The following ZNF385D variants were observed in gnomAD, a reference collection of about 807,000 sequenced individuals.
The protein encoded by ZNF385D is zinc finger protein 385D, also known as zinc finger protein 659.
A neutral mutation model predicts 35.8 loss-of-function variants in ZNF385D; 15 were observed. The ratio of observed to expected loss-of-function variants is 0.42; its 90% confidence interval spans 0.28 to 0.64. ZNF385D has a LOEUF of 0.64. Ranked by LOEUF, ZNF385D falls within the 30% of genes least tolerant of loss-of-function variation. The pLI is 0.23. For missense variants in ZNF385D, 474 were observed against 494.6 expected, an observed-to-expected ratio of 0.96 and a Z score of 0.39; for synonymous variants, 212 against 186.8, an observed-to-expected ratio of 1.13 and a Z score of -1.10.
chr3:22,078,952 T>G (rs1437509696), intron 3 of ZNF385D, among the ~76,000 whole-genome samples: 1 of 152,094 alleles, frequency 6.6e-6, no homozygotes, highest in East Asian at 1.9e-4. Flanking sequence ...TATTTTTCTT[T>G]ATTTCAAGTG....
intron 3 of ZNF385D, among the ~76,000 whole-genome samples, chr3:21,563,788 C>CCTGT (rs1395090504): frequency 6.6e-6 from 1 of 152,116 alleles, no homozygotes; most frequent in Non-Finnish European, 1.5e-5. Flanking sequence ...ACCAACGTTG[C>CCTGT]CTGTCTCTTC....
chr3:21,599,817 AGGCAT>A (rs1402897957), intron 2 of ZNF385D, among the ~76,000 whole-genome samples: 1 of 152,222 alleles, frequency 6.6e-6, no homozygotes, highest in East Asian at 1.9e-4. Context: ...CTCCTGTTGT[AGGCAT>A]GTGAACCAGA....
intron 3 of ZNF385D, among the ~76,000 whole-genome samples, chr3:21,998,075 T>C (rs1695596223): frequency 6.6e-6 from 1 of 152,068 alleles, no homozygotes; most frequent in African/African-American, 2.4e-5. Context: ...TATATGCCAC[T>C]CCCACCAGTG....
intron 3 of ZNF385D, among the ~76,000 whole-genome samples, chr3:21,769,888 G>T (rs1044139210): frequency 6.6e-6 from 1 of 151,412 alleles, no homozygotes; most frequent in African/African-American, 2.4e-5. Flanking sequence ...CCAAAACAGA[G>T]ATATAGACCA....
chr3:22,300,814 G>A (rs1018154233), intron 2 of ZNF385D, among the ~76,000 whole-genome samples: 2 of 151,844 alleles, frequency 1.3e-5, no homozygotes, highest in African/African-American at 4.8e-5. Flanking sequence ...TGGAAAAAAG[G>A]GAATCCATGT....
In ZNF385D at chr3:21,425,624, A is replaced by G; in HGVS notation, c.720T>C (p.Thr240=). The change falls in exon 6 of 8, where the codon ACT becomes ACC. Residue 240 remains threonine (T), a synonymous_variant. Transcript: ENST00000281523. ...CTCCTGCCCTAGGAAAGGCTTTGATAGTGCCACTTCCATTCCGGGCTTCTA... is the reference window on the plus strand; with the variant it reads ...CTCCTGCCCTAGGAAAGGCTTTGATGGTGCCACTTCCATTCCGGGCTTCTA... The part of the protein sequence containing the change: ...TMLEARNGSG[T]IKAFPRAGVK... 1 of 1,602,356 alleles carries G rather than the reference A, an allele frequency of 6.2e-7. No individual in the cohort carries two copies.
chr3:22,075,435 G>C (rs899283748), intron 3 of ZNF385D, among the ~76,000 whole-genome samples: 3 of 151,800 alleles, frequency 2.0e-5, no homozygotes, highest in Non-Finnish European at 4.4e-5. Flanking sequence ...AGTTGTCAAT[G>C]AACTTCATAT....
intron 3 of ZNF385D, among the ~76,000 whole-genome samples, chr3:21,768,712 C>G (rs2070942377): frequency 6.6e-6 from 1 of 151,950 alleles, no homozygotes; most frequent in Admixed American, 6.6e-5. Flanking sequence ...CACAGAGTTA[C>G]AGACCAAGAG....
chr3:21,964,944 G>T (rs1490661634), intron 3 of ZNF385D, among the ~76,000 whole-genome samples: 3 of 152,156 alleles, frequency 2.0e-5, no homozygotes, highest in African/African-American at 7.2e-5. Flanking sequence ...ATATATTCAT[G>T]TATTTAGCAG....
chr3:21,475,753 T>C (rs1704194707), intron 4 of ZNF385D, among the ~76,000 whole-genome samples: 1 of 152,156 alleles, frequency 6.6e-6, no homozygotes, highest in Non-Finnish European at 1.5e-5. Context: ...CCTACACTCA[T>C]GCAAAGCAAG....
intron 3 of ZNF385D, among the ~76,000 whole-genome samples, chr3:22,072,783 G>A (rs1354163725): frequency 1.3e-5 from 2 of 151,930 alleles, no homozygotes; most frequent in South Asian, 2.1e-4. Context: ...GAAGGAAAAA[G>A]GGAATGCAGA....
intron 3 of ZNF385D, among the ~76,000 whole-genome samples, chr3:22,104,848 T>C (rs1702123067): frequency 1.3e-5 from 2 of 152,058 alleles, no homozygotes. Flanking sequence ...TGAACTTGAG[T>C]GAATTAACTA....
chr3:22,274,402 C>T (rs2125367601), intron 2 of ZNF385D, among the ~76,000 whole-genome samples: 2 of 151,968 alleles, frequency 1.3e-5, no homozygotes, highest in East Asian at 3.9e-4. Flanking sequence ...TCATAGAAAA[C>T]AACAGGCCTG....
chr3:22,296,827 C>T (rs1300498844), intron 2 of ZNF385D, among the ~76,000 whole-genome samples: 1 of 152,138 alleles, frequency 6.6e-6, no homozygotes, highest in Non-Finnish European at 1.5e-5. Flanking sequence ...AGCAAAAGTG[C>T]AGGCTGCCAG....
chr3:21,986,518 C>T (rs1358864587), intron 3 of ZNF385D, among the ~76,000 whole-genome samples: 1 of 137,098 alleles, frequency 7.3e-6, no homozygotes, highest in Non-Finnish European at 1.5e-5. Flanking sequence ...TTTGATTGCA[C>T]TGTGGTCTGA....
At chr3:22,300,336 G>A (rs908880859) in intron 2 of ZNF385D, among the ~76,000 whole-genome samples, 1 of 150,994 alleles carries the variant, frequency 6.6e-6, no homozygotes, top group Admixed American at 6.6e-5. Flanking sequence ...CTATAAAACT[G>A]CTAGAAGAAA....
intron 3 of ZNF385D, chr3:21,979,960 C>T (rs1694330349): frequency 6.6e-6 from 1 of 152,170 alleles, no homozygotes; most frequent in Non-Finnish European, 1.5e-5. Context: ...ATGGGCTGGA[C>T]TCAGTGACTC....
chr3:22,044,833 G>A (rs1248254302), intron 3 of ZNF385D, among the ~76,000 whole-genome samples: 2 of 151,918 alleles, frequency 1.3e-5, no homozygotes, highest in Non-Finnish European at 2.9e-5. Flanking sequence ...AATGGGAGGA[G>A]GAGAGAAAAT....
chr3:22,276,795 T>C (rs1701452962), intron 2 of ZNF385D, among the ~76,000 whole-genome samples: 1 of 152,090 alleles, frequency 6.6e-6, no homozygotes, highest in African/African-American at 2.4e-5. Flanking sequence ...TGTATCAGTG[T>C]GAGGATGTCT....
Sources: allele counts gnomAD v4.1 joint callset (sites outside exome capture counted in the v4.1 genomes callset), GRCh38; gene constraint gnomAD v4.1.1; transcripts MANE v1.5; gene names NCBI Gene and HGNC (gene_info 2026-07-23, HGNC 2026-07-21).